PLXNA4: variants seen among roughly 807,000 people sequenced by gnomAD.
PLXNA4 encodes plexin A4.
In PLXNA4, 44 loss-of-function variants were observed where a neutral mutation model predicts 191.8. The ratio of observed to expected loss-of-function variants is 0.23; its 90% confidence interval spans 0.18 to 0.29. The LOEUF is 0.29. Among genes scored for constraint, PLXNA4 ranks in the 10% least tolerant of loss-of-function variants. The pLI is 1.00. For missense variants in PLXNA4, 1,800 were observed against 2,488.8 expected, an observed-to-expected ratio of 0.72 and a Z score of 5.89; for synonymous variants, 1,082 against 1,009.5, an observed-to-expected ratio of 1.07 and a Z score of -1.36.
intron 1 of PLXNA4, among the ~76,000 whole-genome samples, chr7:132,510,369 T>C (rs1014482507): frequency 1.2e-4 from 18 of 152,206 alleles, no homozygotes; most frequent in Non-Finnish European, 1.5e-4. Flanking sequence ...AGCACAGGCC[T>C]TCTCCAGTCA....
intron 3 of PLXNA4, among the ~76,000 whole-genome samples, chr7:132,310,507 G>C (rs1660902849): frequency 6.6e-6 from 1 of 152,202 alleles, no homozygotes; most frequent in Non-Finnish European, 1.5e-5. Context: ...AGCATCCTCA[G>C]AGACTATCTT....
chr7:132,511,214 G>A (rs1269327054), intron 1 of PLXNA4, among the ~76,000 whole-genome samples: 1 of 152,172 alleles, frequency 6.6e-6, no homozygotes, highest in Non-Finnish European at 1.5e-5. Flanking sequence ...GCACCCCAGA[G>A]CCCATGCAAA....
chr7:132,140,141 T>C (rs1389798256), intron 30 of PLXNA4, among the ~76,000 whole-genome samples: 1 of 152,174 alleles, frequency 6.6e-6, no homozygotes, highest in African/African-American at 2.4e-5. Flanking sequence ...GTTCAGACAG[T>C]GACAAAGGCA....
chr7:132,575,943 C>T (rs1013997018), intron 1 of PLXNA4, among the ~76,000 whole-genome samples: 2 of 152,188 alleles, frequency 1.3e-5, no homozygotes, highest in African/African-American at 4.8e-5. Flanking sequence ...GTGGGTCTGT[C>T]TCCCGTTGAA....
intron 3 of PLXNA4, among the ~76,000 whole-genome samples, chr7:132,374,520 C>T (rs1049469696): frequency 2.0e-5 from 3 of 152,164 alleles, no homozygotes; most frequent in Non-Finnish European, 4.4e-5. Context: ...TTAGAAGCTA[C>T]TGGTGGGTAT....
At chr7:132,331,205 T>C (rs765991997) in intron 3 of PLXNA4, among the ~76,000 whole-genome samples, 7 of 152,224 alleles carry the variant, frequency 4.6e-5, no homozygotes, top group Non-Finnish European at 8.8e-5. Flanking sequence ...GAGGCAGAGA[T>C]ACATTCCTAA....
chr7:132,374,733 G>C (rs561799457), intron 3 of PLXNA4, among the ~76,000 whole-genome samples: 5 of 152,288 alleles, frequency 3.3e-5, no homozygotes, highest in Admixed American at 2.0e-4. Context: ...GAAAAGTCAT[G>C]ACTAGCAAAA....
At chr7:132,276,937 A>G (rs1800304249) in intron 4 of PLXNA4, among the ~76,000 whole-genome samples, 1 of 152,128 alleles carries the variant, frequency 6.6e-6, no homozygotes, top group South Asian at 2.1e-4. Flanking sequence ...GGAGGTGCTG[A>G]GCCCCTAGAT....
At chr7:132,207,753 T>G (rs1273856728) in intron 10 of PLXNA4, among the ~76,000 whole-genome samples, 1 of 152,252 alleles carries the variant, frequency 6.6e-6, no homozygotes, top group African/African-American at 2.4e-5. Flanking sequence ...TGTCCAAGGC[T>G]GTTTCCAATT....
At chr7:132,615,927 A>ATC (rs370549958) in intron 2 of PLXNA4, among the ~76,000 whole-genome samples, 19,827 of 83,734 alleles carry the variant, frequency 0.24, 2,677 homozygotes, top group East Asian at 0.4. Context: ...CAGATAAAGG[A>ATC]TCTCTCTCTC....
chr7:132,324,263 C>T (rs1268619060), intron 3 of PLXNA4, among the ~76,000 whole-genome samples: 2 of 152,028 alleles, frequency 1.3e-5, no homozygotes, highest in East Asian at 1.9e-4. Context: ...AAAGATCTGC[C>T]GGTTTGACAC....
At position 132,198,479 on chromosome 7, in the gene PLXNA4, A is replaced by G. The variant is rs1448865186; in HGVS notation, c.2738+6T>C. 1 of 1,613,352 alleles carries G rather than the reference A, an allele frequency of 6.2e-7. No homozygotes were observed. The highest frequency in any genetic ancestry group is 8.5e-7 in the Non-Finnish European group (1 of 1,179,656). On this transcript the variant is annotated splice_donor_region_variant and intron_variant, in intron 13 of 31. Transcript: ENST00000321063. ...TTCCTCCTGTGTTGCATGCAGCTTC[A>G]CTTACTGTTCTGCAGGGATGTAACC...
chr7:132,263,126 G>C (rs1024533998), intron 4 of PLXNA4, among the ~76,000 whole-genome samples: 1 of 152,156 alleles, frequency 6.6e-6, no homozygotes, highest in African/African-American at 2.4e-5. Context: ...ATATGAGAGA[G>C]GGAGGCTGAG....
intron 14 of PLXNA4, among the ~76,000 whole-genome samples, chr7:132,191,121 G>A (rs1797073036): frequency 6.6e-6 from 1 of 152,212 alleles, no homozygotes; most frequent in Non-Finnish European, 1.5e-5. Context: ...GCAGACAGAG[G>A]AGCCTGGGCA....
intron 1 of PLXNA4, among the ~76,000 whole-genome samples, chr7:132,549,762 T>C (rs1800474713): frequency 2.4e-5 from 1 of 42,462 alleles, no homozygotes; most frequent in African/African-American, 6.2e-5. Flanking sequence ...TAATATTCCC[T>C]TGGGGTGAGT....
At chr7:132,179,172 A>G (rs1440970610) in intron 20 of PLXNA4, among the ~76,000 whole-genome samples, 2 of 141,726 alleles carry the variant, frequency 1.4e-5, no homozygotes, top group East Asian at 4.5e-4. Context: ...CACAGCCTCC[A>G]GCACTGCTCA....
chr7:132,647,092 C>A (rs1803290238), intron 1 of PLXNA4, among the ~76,000 whole-genome samples: 1 of 152,044 alleles, frequency 6.6e-6, no homozygotes, highest in Non-Finnish European at 1.5e-5. Flanking sequence ...CAAACACCCA[C>A]ATGCTATCAT....
chr7:132,157,229 GCAGCCTCTGGCTGGGGAGACCAGC>G (rs1387632287), intron 25 of PLXNA4, among the ~76,000 whole-genome samples: 4 of 152,198 alleles, frequency 2.6e-5, no homozygotes, highest in Non-Finnish European at 5.9e-5. Context: ...TCTGGCTTGT[GCAGCCTCTGGCTGGGGAGACCAGC>G]CACCCTCAGG....
chr7:132,301,002 C>T (rs1420762226), intron 3 of PLXNA4, among the ~76,000 whole-genome samples: 1 of 152,200 alleles, frequency 6.6e-6, no homozygotes, highest in Non-Finnish European at 1.5e-5. Context: ...AGCCAGTTGA[C>T]TTGGGGGATG....
Sources: allele counts gnomAD v4.1 joint callset (sites outside exome capture counted in the v4.1 genomes callset), GRCh38; gene constraint gnomAD v4.1.1; transcripts MANE v1.5; gene names NCBI Gene and HGNC (gene_info 2026-07-23, HGNC 2026-07-21).